Variants in PAFAH1B1 observed in about 807,000 individuals in gnomAD.
PAFAH1B1 encodes the protein platelet activating factor acetylhydrolase 1b regulatory subunit 1, also known as platelet-activating factor acetylhydrolase IB subunit beta.
PAFAH1B1 carries 2 observed loss-of-function variants against 57.5 expected under a neutral mutation model. That is an observed-to-expected ratio of 0.03 (90% CI 0.01 to 0.11). PAFAH1B1 has a LOEUF of 0.11. PAFAH1B1 is among the 10% of genes least tolerant of loss of function. The probability of loss-of-function intolerance (pLI) is 1.00; values close to 1 mark genes in which losing one functional copy is unlikely to be tolerated. For missense variants in PAFAH1B1, 257 were observed against 512.0 expected (o/e 0.50, Z 4.81); for synonymous variants, 152 against 169.6 (o/e 0.90, Z 0.81).
At chr17:2,623,349 C>G (rs1213548906) in intron 1 of PAFAH1B1, among the ~76,000 whole-genome samples, 2 of 145,198 alleles carry the variant, frequency 1.4e-5, no homozygotes, top group African/African-American at 5.1e-5. Context: ...GGCTCCGCCT[C>G]CTGGATTCAT....
intron 8 of PAFAH1B1, among the ~76,000 whole-genome samples, chr17:2,675,800 C>CA: frequency 6.6e-6 from 1 of 152,148 alleles, no homozygotes; most frequent in East Asian, 1.9e-4. Flanking sequence ...ATGATTGTTC[C>CA]ACTGCACTCC....
intron 5 of PAFAH1B1, among the ~76,000 whole-genome samples, chr17:2,668,401 T>G (rs1211133992): frequency 1.3e-5 from 2 of 151,604 alleles, no homozygotes; most frequent in Non-Finnish European, 2.9e-5. Flanking sequence ...ACACTGAAAT[T>G]ATGGGCCGGG....
intron 6 of PAFAH1B1, 106 bp downstream of exon 6, chr17:2,670,437 T>C (rs1394191331): frequency 3.7e-6 from 4 of 1,078,636 alleles, no homozygotes; most frequent in Non-Finnish European, 5.7e-6. Flanking sequence ...CTCTTAATTG[T>C]CAGTATTGGT....
chr17:2,656,770 C>T (rs2068941378), intron 2 of PAFAH1B1, among the ~76,000 whole-genome samples: 1 of 152,162 alleles, frequency 6.6e-6, no homozygotes, highest in Non-Finnish European at 1.5e-5. Flanking sequence ...TTTGCTGTTT[C>T]ATGTAATCTG....
chr17:2,655,242 A>G (rs1336559538), intron 2 of PAFAH1B1, among the ~76,000 whole-genome samples: 4 of 151,812 alleles, frequency 2.6e-5, no homozygotes, highest in Admixed American at 2.6e-4. Flanking sequence ...GTAGGCATCT[A>G]TAAAGATGAT....
intron 2 of PAFAH1B1, among the ~76,000 whole-genome samples, chr17:2,652,390 G>A (rs1037134361): frequency 2.6e-5 from 4 of 152,244 alleles, no homozygotes; most frequent in Admixed American, 1.3e-4. Flanking sequence ...ACTCCAGCCT[G>A]GGCGGCAGAG....
chr17:2,602,455 CTT>C (rs1027927951), intron 1 of PAFAH1B1, among the ~76,000 whole-genome samples: 1 of 152,136 alleles, frequency 6.6e-6, no homozygotes, highest in African/African-American at 2.4e-5. Flanking sequence ...AACCTTGACT[CTT>C]CTTTCTTCCT....
At chr17:2,618,381 G>T (rs778807375) in intron 1 of PAFAH1B1, among the ~76,000 whole-genome samples, 65 of 152,000 alleles carry the variant, frequency 4.3e-4, no homozygotes, top group Non-Finnish European at 6.5e-4. Flanking sequence ...GATAAATTTT[G>T]CCACCTTTTA....
At position 2,682,672 on chromosome 17, in the gene PAFAH1B1, C is replaced by T. The variant is rs1328374917; in HGVS notation, c.*870C>T. 1 of 152,518 alleles carries T rather than the reference C, an allele frequency of 6.6e-6. No homozygotes were observed. Among genetic ancestry groups the T allele is most frequent in the Non-Finnish European group, 1.5e-5 (1 of 68,020 alleles). 9.4% of individuals were successfully genotyped at this position (152,518 alleles called of 1,614,324 possible). ...GTGTGTCATGGTACAAATCACTATT[C>T]GTTTTTGGTGTTTTTTAGGGATGTG... is the stretch of plus-strand genomic sequence containing the variant. On this transcript the variant is annotated 3_prime_UTR_variant, in exon 11 of 11. Coordinates refer to ENST00000397195, the MANE Select transcript of PAFAH1B1 (RefSeq NM_000430.4).
intron 2 of PAFAH1B1, chr17:2,640,408 A>T (rs1597543954): frequency 4.2e-5 from 5 of 119,346 alleles, no homozygotes; most frequent in South Asian, 2.6e-4. Context: ...GATGTTTTTG[A>T]GGAATAGTCT....
At chr17:2,631,187 G>C (rs1166303972) in intron 1 of PAFAH1B1, among the ~76,000 whole-genome samples, 1 of 152,012 alleles carries the variant, frequency 6.6e-6, no homozygotes, top group African/African-American at 2.4e-5. Flanking sequence ...GCTGCAGTGA[G>C]CCAAGGTTGG....
At chr17:2,609,056 T>G (rs903767660) in intron 1 of PAFAH1B1, among the ~76,000 whole-genome samples, 1 of 152,204 alleles carries the variant, frequency 6.6e-6, no homozygotes, top group Non-Finnish European at 1.5e-5. Flanking sequence ...AAACTAGCTG[T>G]TTTACATAAA....
chr17:2,665,292 A>G, intron 2 of PAFAH1B1, 80 bp from the exon 3 acceptor site: 1 of 815,640 alleles, frequency 1.2e-6, no homozygotes, highest in East Asian at 2.5e-5. Context: ...TTCAGGGTTA[A>G]TGAGATTTTA....
At chr17:2,604,598 G>A (rs978127833) in intron 1 of PAFAH1B1, among the ~76,000 whole-genome samples, 3 of 152,082 alleles carry the variant, frequency 2.0e-5, no homozygotes, top group Admixed American at 6.6e-5. Context: ...ATCACTTGAC[G>A]TCAGGAGTTC....
intron 7 of PAFAH1B1, 95 bp downstream of exon 7, chr17:2,672,852 C>A: frequency 2.6e-6 from 2 of 775,970 alleles, no homozygotes; most frequent in Non-Finnish European, 2.3e-6. Flanking sequence ...GGCAGATCAC[C>A]TGGTCAGGAA....
chr17:2,633,489 A>G (rs1296226763), intron 1 of PAFAH1B1, among the ~76,000 whole-genome samples: 1 of 146,536 alleles, frequency 6.8e-6, no homozygotes, highest in African/African-American at 2.5e-5. Flanking sequence ...TTTTTTTTTT[A>G]ATTTGTAAGG....
intron 2 of PAFAH1B1, among the ~76,000 whole-genome samples, chr17:2,653,204 G>C (rs2068889075): frequency 6.6e-6 from 1 of 152,084 alleles, no homozygotes; most frequent in Admixed American, 6.6e-5. Flanking sequence ...CTCACTCATA[G>C]GTGGGAATTG....
chr17:2,679,826 A>G, intron 9 of PAFAH1B1: 1 of 295,258 alleles, frequency 3.4e-6, no homozygotes, highest in Non-Finnish European at 6.5e-6. Flanking sequence ...TGAACCACCT[A>G]AGAACAAGGA....
In PAFAH1B1 at chr17:2,630,444, C is replaced by T. The variant is rs1597534787; in HGVS notation, c.-190-7655C>T. On this transcript the variant is annotated intron_variant, in intron 1 of 10. Coordinates refer to ENST00000397195, the MANE Select transcript of PAFAH1B1 (RefSeq NM_000430.4). Reference sequence around the variant, plus strand: ...GGAGGCCGAAGATAAGGCCCTAATCCCTTCTAGCTTGTAGGGTTTTTGCTG... The same window carrying T: ...GGAGGCCGAAGATAAGGCCCTAATCTCTTCTAGCTTGTAGGGTTTTTGCTG... 2.0e-5 allele frequency among the ~76,000 whole-genome samples: 3 copies of T among 152,264 alleles called. No individual in the cohort carries two copies. In the East Asian group the frequency reaches 5.8e-4, roughly 29 times the overall value.
Sources: gnomAD v4.1 joint callset for allele counts (sites outside exome capture counted in the v4.1 genomes callset) on GRCh38, gnomAD v4.1.1 for gene constraint, MANE v1.5 for transcripts, NCBI Gene and HGNC (gene_info 2026-07-23, HGNC 2026-07-21) for gene names.